The following GPHN variants were observed in gnomAD, a reference collection of about 807,000 sequenced individuals.
The protein encoded by GPHN is gephyrin.
GPHN carries 17 observed loss-of-function variants against 95.5 expected under a neutral mutation model. That is an observed-to-expected ratio of 0.18 (90% CI 0.12 to 0.27). The LOEUF (loss-of-function observed/expected upper bound fraction) is 0.27. Among genes scored for constraint, GPHN ranks in the 10% least tolerant of loss-of-function variants. GPHN has a pLI of 1.00. For missense variants in GPHN, 660 were observed against 978.1 expected (o/e 0.67, Z 4.34); for synonymous variants, 320 against 322.5 (o/e 0.99, Z 0.08).
chr14:67,430,566 C>T, the GPHN span, among the ~76,000 whole-genome samples: 4 of 152,066 alleles, frequency 2.6e-5, no homozygotes, highest in East Asian at 1.9e-4. Flanking sequence ...GAGTGGTGAC[C>T]GAGTGGAGTG....
intron 4 of GPHN, among the ~76,000 whole-genome samples, chr14:66,837,495 G>A (rs2061888739): frequency 1.3e-5 from 2 of 149,340 alleles, no homozygotes; most frequent in African/African-American, 4.9e-5. Context: ...CCTAATGCTA[G>A]ATGACGAGTT....
At chr14:67,710,421 T>C in the GPHN span, among the ~76,000 whole-genome samples, 6 of 152,222 alleles carry the variant, frequency 3.9e-5, no homozygotes, top group African/African-American at 1.4e-4. Context: ...GTTTGTTTTA[T>C]AAATCCGCTT....
At chr14:66,544,530 C>CAATG (rs2059461954) in intron 1 of GPHN, among the ~76,000 whole-genome samples, 1 of 151,618 alleles carries the variant, frequency 6.6e-6, no homozygotes, top group Non-Finnish European at 1.5e-5. Flanking sequence ...TGTAAGTGCC[C>CAATG]AATGAATATT....
At chr14:66,648,735 A>G (rs2064885521) in intron 1 of GPHN, among the ~76,000 whole-genome samples, 1 of 152,248 alleles carries the variant, frequency 6.6e-6, no homozygotes, top group African/African-American at 2.4e-5. Context: ...GCATGACTGT[A>G]TAAGAAACAC....
chr14:67,532,298 C>A, the GPHN span, among the ~76,000 whole-genome samples: 14 of 152,222 alleles, frequency 9.2e-5, no homozygotes, highest in South Asian at 2.3e-3. Context: ...GAGAAACAGG[C>A]GCTGATGGTA....
chr14:67,032,840 A>C (rs559455143), intron 10 of GPHN, among the ~76,000 whole-genome samples: 2 of 152,308 alleles, frequency 1.3e-5, no homozygotes, highest in East Asian at 3.9e-4. Context: ...AAATGACTAA[A>C]ACTCAGCAAA....
the GPHN span, among the ~76,000 whole-genome samples, chr14:67,352,038 G>A: frequency 1.6e-4 from 24 of 152,018 alleles, no homozygotes; most frequent in South Asian, 1.7e-3. Flanking sequence ...TAATCCCAGT[G>A]CTTTGGAAGG....
the GPHN span, chr14:67,365,096 T>A: frequency 7.3e-7 from 1 of 1,373,326 alleles, no homozygotes; most frequent in Non-Finnish European, 9.6e-7. Flanking sequence ...AAGCTGCAGC[T>A]TAAAAAAAAA....
chr14:67,043,699 G>A (rs2074841206), intron 10 of GPHN, among the ~76,000 whole-genome samples: 2 of 151,884 alleles, frequency 1.3e-5, no homozygotes, highest in East Asian at 1.9e-4. Context: ...CCTTTGTTGT[G>A]TCTCTGCCAG....
At chr14:66,742,653 TA>T (rs2072890217) in intron 2 of GPHN, among the ~76,000 whole-genome samples, 2 of 152,248 alleles carry the variant, frequency 1.3e-5, no homozygotes, top group African/African-American at 4.8e-5. Context: ...GCTGTTCTAT[TA>T]AAATACTATT....
At chr14:67,488,133 G>A in the GPHN span, among the ~76,000 whole-genome samples, 1 of 152,228 alleles carries the variant, frequency 6.6e-6, no homozygotes, top group African/African-American at 2.4e-5. Context: ...ACAGTATGTG[G>A]CTGGGGGTGG....
the GPHN span, among the ~76,000 whole-genome samples, chr14:67,624,222 T>C: frequency 2.6e-5 from 4 of 152,186 alleles, no homozygotes; most frequent in Non-Finnish European, 2.9e-5. Context: ...GGCCTTGTAC[T>C]CTTTTCTCCA....
chr14:67,687,256 C>A, the GPHN span, among the ~76,000 whole-genome samples: 16,691 of 152,188 alleles, frequency 0.11, 1,329 homozygotes, highest in South Asian at 0.33. Context: ...TAATTTTAAC[C>A]GTTTCCCATT....
At chr14:67,396,570 T>G in the GPHN span, among the ~76,000 whole-genome samples, 1 of 92,466 alleles carries the variant, frequency 1.1e-5, no homozygotes, top group African/African-American at 1.0e-4. Flanking sequence ...TTGACCACAC[T>G]GGAGGCCCTT....
At chr14:67,643,953 C>T in the GPHN span, among the ~76,000 whole-genome samples, 17 of 149,630 alleles carry the variant, frequency 1.1e-4, no homozygotes, top group African/African-American at 4.2e-4. Context: ...ATTAAATCAA[C>T]CAGAGGGCAA....
the GPHN span, chr14:67,447,032 G>C: frequency 3.9e-5 from 6 of 152,104 alleles, no homozygotes; most frequent in African/African-American, 1.4e-4. Context: ...AGTCCATATG[G>C]GGAGTGTCTT....
At chr14:66,705,147 A>C (rs1372289858) in intron 2 of GPHN, among the ~76,000 whole-genome samples, 2 of 152,236 alleles carry the variant, frequency 1.3e-5, no homozygotes, top group Non-Finnish European at 2.9e-5. Flanking sequence ...GACCAATAAC[A>C]AGTTCTGAAA....
chr14:67,266,526 A>G, the GPHN span, among the ~76,000 whole-genome samples: 3 of 152,110 alleles, frequency 2.0e-5, no homozygotes, highest in Admixed American at 2.0e-4. Flanking sequence ...GGGTTTCACC[A>G]TGTTGGCCAG....
chr14:66,791,929 C>CAA (rs1479034963), intron 3 of GPHN, among the ~76,000 whole-genome samples: 5 of 152,144 alleles, frequency 3.3e-5, no homozygotes, highest in Non-Finnish European at 4.4e-5. Context: ...GGAGGCCTTA[C>CAA]AATCATGGCG....
Sources: allele counts gnomAD v4.1 joint callset (sites outside exome capture counted in the v4.1 genomes callset), GRCh38; gene constraint gnomAD v4.1.1; transcripts MANE v1.5; gene names NCBI Gene and HGNC (gene_info 2026-07-23, HGNC 2026-07-21).